XCR1: variants seen among roughly 807,000 people sequenced by gnomAD.
The protein encoded by XCR1 is X-C motif chemokine receptor 1.
For missense variants in XCR1, 356 were observed against 424.2 expected, an observed-to-expected ratio of 0.84 and a Z score of 1.41; for synonymous variants, 187 against 188.5, an observed-to-expected ratio of 0.99 and a Z score of 0.06.
At chr3:46,065,416 C>T (rs1233118990) in intron 4 of XCR1, among the ~76,000 whole-genome samples, 1 of 152,164 alleles carries the variant, frequency 6.6e-6, no homozygotes, top group Non-Finnish European at 1.5e-5. Flanking sequence ...TTCCATTTGC[C>T]ACACTCTGGG....
chr3:46,054,548 A>G (rs1199761227), intron 4 of XCR1, among the ~76,000 whole-genome samples: 15 of 150,118 alleles, frequency 1.0e-4, no homozygotes, highest in African/African-American at 3.5e-4. Flanking sequence ...CAAAAGGACG[A>G]GGGGGGGGCG....
chr3:46,058,795 G>A (rs1431140344), intron 4 of XCR1, among the ~76,000 whole-genome samples: 3 of 152,084 alleles, frequency 2.0e-5, no homozygotes, highest in South Asian at 4.1e-4. Flanking sequence ...GAACTCCTGA[G>A]GTCAAGGGAT....
At position 46,021,351 on chromosome 3, in the gene XCR1, C is replaced by T. The variant is rs1708141960; in HGVS notation, c.597G>A (p.Gly199=). 2 of 1,613,994 alleles carry T rather than the reference C, an allele frequency of 1.2e-6. No individual in the cohort carries two copies. Among genetic ancestry groups the T allele is most frequent in the South Asian group, 2.2e-5 (2 of 91,080 alleles). The change falls in exon 2 of 2, where the codon GGG becomes GGA. Residue 199 remains glycine (G), a synonymous_variant. Transcript: ENST00000309285. This position sits in a 1 kb window ranked among gnomAD's most constrained non-coding sequence, Gnocchi z 4.7. Reference sequence around the variant, plus strand: ...TCTCCACGTAGCAGAACAGGATAATCCCCAGGGACAGCAGGAAGAAGAGGT... The same window carrying T: ...TCTCCACGTAGCAGAACAGGATAATTCCCAGGGACAGCAGGAAGAAGAGGT... ...QHNLFFLLSL[G]IILFCYVEIL...
At chr3:46,030,073 T>C (rs1708369642), upstream of XCR1, among the ~76,000 whole-genome samples, 1 of 152,052 alleles carries the variant, frequency 6.6e-6, no homozygotes, top group Admixed American at 6.6e-5. Context: ...TTTGGTGGAT[T>C]CTTTCAGTTC....
At chr3:46,045,334 A>G (rs1689959375) in intron 5 of XCR1, among the ~76,000 whole-genome samples, 1 of 152,018 alleles carries the variant, frequency 6.6e-6, no homozygotes, top group Non-Finnish European at 1.5e-5. Context: ...GCTTGAACTC[A>G]GGAGGCAGAG....
At chr3:46,057,712 G>T (rs960530661) in intron 4 of XCR1, among the ~76,000 whole-genome samples, 1 of 152,266 alleles carries the variant, frequency 6.6e-6, no homozygotes, top group Admixed American at 6.5e-5. Context: ...TTTCCCTGAA[G>T]AAGAAATTCT....
At chr3:46,058,932 G>A (rs926521041) in intron 4 of XCR1, among the ~76,000 whole-genome samples, 12 of 152,048 alleles carry the variant, frequency 7.9e-5, no homozygotes, top group African/African-American at 2.9e-4. Context: ...ATCAGAGTGG[G>A]GACATATGAA....
intron 4 of XCR1, among the ~76,000 whole-genome samples, chr3:46,054,942 G>A (rs1445217904): frequency 6.6e-6 from 1 of 152,190 alleles, no homozygotes; most frequent in Non-Finnish European, 1.5e-5. Context: ...CCAAGATCAG[G>A]AAAAACTGAC....
Position 46,021,178 on chromosome 3 carries a change from C to T in XCR1, c.770G>A (p.Arg257Gln), listed in dbSNP as rs756723753. The T allele has an allele frequency of 7.4e-6, 12 of 1,614,218 alleles. No homozygotes were observed. Among genetic ancestry groups the T allele is most frequent in the Non-Finnish European group, 1.0e-5 (12 of 1,180,022 alleles). The change falls in exon 2 of 2, where the codon CGG becomes CAG. Residue 257 changes from arginine (R) to glutamine (Q), a missense_variant. By Grantham distance (43) the Arg-to-Gln change is conservative. Transcript: ENST00000309285. The surrounding 1 kb of genome is among the most constrained non-coding windows in gnomAD (Gnocchi z 4.7). ...TAGCTGCTGTTTGGCCTCGCAGCTC[C>T]GGATGATCTGGGTCCGAAACAGCGT... is the stretch of plus-strand genomic sequence containing the variant. Reference protein sequence around the residue: ...LQTLFRTQIIRSCEAKQQLEY... With the variant: ...LQTLFRTQIIQSCEAKQQLEY...
At chr3:46,047,321 C>A (rs1053517750) in intron 5 of XCR1, among the ~76,000 whole-genome samples, 4 of 152,124 alleles carry the variant, frequency 2.6e-5, no homozygotes, top group Non-Finnish European at 5.9e-5. Flanking sequence ...AAGGCTCGGA[C>A]AGATTAACAG....
rs1052434773 is a variant in XCR1 at position 46,020,542 on chromosome 3, G to A, written c.*404C>T. ...GACAACCTTACAGTCAGGGAAGGGA[G>A]GCATTGTCTTGTCAGCATCGTGCAG... is the stretch of plus-strand genomic sequence containing the variant. On this transcript the variant is annotated 3_prime_UTR_variant, in exon 2 of 2. Transcript: ENST00000309285. 5.5e-6 allele frequency: 1 copy of A among 182,672 alleles called. No individual in the cohort carries two copies. The highest frequency in any genetic ancestry group is 1.2e-5 in the Non-Finnish European group (1 of 86,570). The allele number at this position is 182,672 out of a possible 1,614,324, so 11.3% of individuals were successfully genotyped here.
At position 46,052,763 on chromosome 3, in the gene XCR1, A is replaced by G. The variant is rs529924062; in HGVS notation, c.-32+1157T>C. On this transcript the variant is annotated intron_variant, in intron 5 of 5. Transcript: ENST00000683768. The stretch of plus-strand genomic sequence containing the variant: ...ATCTGCGTTTGCATTCTCAAAAGCT[A>G]GAGTAAAGGTTAGCATTTCTGCAGC... Among the ~76,000 whole-genome samples, 8 of 152,338 alleles carry G rather than the reference A, an allele frequency of 5.3e-5. No homozygotes were observed. In the South Asian group the frequency reaches 1.0e-3, roughly 20 times the overall value.
intron 4 of XCR1, among the ~76,000 whole-genome samples, chr3:46,057,854 C>G (rs1697879412): frequency 6.6e-6 from 1 of 151,756 alleles, no homozygotes; most frequent in African/African-American, 2.4e-5. Flanking sequence ...AAATCTCTAT[C>G]TAGTACCTAT....
At chr3:46,024,179 G>T in intron 1 of XCR1, 1 of 507,768 alleles carries the variant, frequency 2.0e-6, no homozygotes, top group Non-Finnish European at 3.6e-6. Flanking sequence ...CAGAAGAGGG[G>T]AGAAGAGGAA....
chr3:46,047,210 G>A (rs917450967), intron 5 of XCR1, among the ~76,000 whole-genome samples: 31 of 152,134 alleles, frequency 2.0e-4, no homozygotes, highest in Non-Finnish European at 3.7e-4. Context: ...GTGTGACCAA[G>A]GAAACAATAG....
chr3:46,047,377 T>C (rs1697654938), intron 5 of XCR1, among the ~76,000 whole-genome samples: 1 of 152,224 alleles, frequency 6.6e-6, no homozygotes, highest in Non-Finnish European at 1.5e-5. Flanking sequence ...AAAGTAGAGA[T>C]ACTACGTGTT....
At chr3:46,076,312 T>G (rs1203234691) in intron 2 of XCR1, among the ~76,000 whole-genome samples, 6 of 152,202 alleles carry the variant, frequency 3.9e-5, no homozygotes, top group Non-Finnish European at 8.8e-5. Context: ...CTTGTATTCT[T>G]CTGGCTTTGA....
At chr3:46,026,284 T>C (rs1708285687) in intron 1 of XCR1, among the ~76,000 whole-genome samples, 1 of 152,146 alleles carries the variant, frequency 6.6e-6, no homozygotes, top group African/African-American at 2.4e-5. Context: ...GAAAATGATG[T>C]CAAATCTCAA....
chr3:46,054,551 G>C (rs34340587), intron 4 of XCR1, among the ~76,000 whole-genome samples: 15 of 151,918 alleles, frequency 9.9e-5, no homozygotes, highest in African/African-American at 2.9e-4. Context: ...AAGGACGAGG[G>C]GGGGGCGAGT....
Sources: allele counts gnomAD v4.1 joint callset (sites outside exome capture counted in the v4.1 genomes callset), GRCh38; gene constraint gnomAD v4.1.1; non-coding constraint Gnocchi (gnomAD v3.1); transcripts MANE v1.5; gene names NCBI Gene and HGNC (gene_info 2026-07-23, HGNC 2026-07-21).